CCDC59: variants seen among roughly 807,000 people sequenced by gnomAD.
The protein encoded by CCDC59 is coiled-coil domain containing 59.
Under a neutral mutation model 30.5 loss-of-function variants are expected in CCDC59, and 27 were observed. That is an observed-to-expected ratio of 0.89 (90% CI 0.65 to 1.22). The LOEUF (loss-of-function observed/expected upper bound fraction) is 1.22, where lower values mean the gene tolerates loss of function less well. Among genes scored for constraint, CCDC59 ranks in the 50% most tolerant of loss-of-function variants. The pLI, the probability that CCDC59 is intolerant of heterozygous loss-of-function variation, is 0.00. For synonymous variants in CCDC59, 125 were observed against 100.9 expected (o/e 1.24, Z -1.43); for missense variants, 362 against 284.4 (o/e 1.27, Z -1.96).
chr12:82,354,584 T>C lies in CCDC59; in HGVS notation c.475A>G (p.Ile159Val), dbSNP rs776211244. Residue 159 changes from isoleucine (I) to valine (V), a missense_variant, in exon 3 of 4, where the codon ATT (isoleucine) becomes GTT (valine). Physicochemically the swap from Ile to Val is conservative, Grantham distance 29. Transcript: ENST00000256151. ...GTTTTCTTTTTATTTTTCTTTGGAA[T>C]TGTAAAGGAGCTTTTAATTGGGGGA... ...QCIKTVNSFTIPKKNKKKTSN... is the reference protein window; with the variant it reads ...QCIKTVNSFTVPKKNKKKTSN... The C allele has an allele frequency of 5.7e-6, 9 of 1,578,694 alleles. No individual in the cohort carries two copies. In the African/African-American group the frequency reaches 8.1e-5, roughly 14 times the overall value.
chr12:82,358,569 G>C (rs746581822), upstream of CCDC59: 1 of 1,610,066 alleles, frequency 6.2e-7, no homozygotes, highest in South Asian at 1.1e-5. Context: ...GAGCGTCATG[G>C]CGGCTTCTTG....
intron 1 of CCDC59, among the ~76,000 whole-genome samples, chr12:82,357,896 T>A (rs1456618307): frequency 6.6e-6 from 1 of 152,206 alleles, no homozygotes; most frequent in Non-Finnish European, 1.5e-5. Flanking sequence ...GGCCCTGTCC[T>A]CCTCTCTATC....
intron 3 of CCDC59, among the ~76,000 whole-genome samples, chr12:82,353,671 C>T (rs1796554491): frequency 6.6e-6 from 1 of 152,110 alleles, no homozygotes; most frequent in Non-Finnish European, 1.5e-5. Context: ...TAATACTGGT[C>T]CAGTATTCCC....
At position 82,357,121 on chromosome 12, in the gene CCDC59, C is replaced by T; in HGVS notation, c.303G>A (p.Glu101=). The change falls in exon 2 of 4, where the codon GAG becomes GAA. Residue 101 remains glutamate, a synonymous_variant. Coordinates refer to ENST00000256151, the MANE Select transcript of CCDC59 (RefSeq NM_014167.5). The stretch of plus-strand genomic sequence containing the variant: ...TTCTTGCTTGCTTCCTATGTCTTTC[C>T]TCTTCAGCTAAATAGAGATGTTTCA... The part of the protein sequence containing the change: ...DNLKHLYLAE[E]ERHRKQARKV... 1.2e-6 allele frequency: 2 copies of T among 1,614,170 alleles called. No homozygotes were observed. The highest frequency in any genetic ancestry group is 1.7e-6 in the Non-Finnish European group (2 of 1,180,026).
intron 2 of CCDC59, 112 bp from the exon 3 acceptor site, chr12:82,354,706 G>A: frequency 1.3e-6 from 1 of 794,906 alleles, no homozygotes; most frequent in Non-Finnish European, 1.7e-6. Context: ...GCACAAATGG[G>A]GATTCTTAGA....
chr12:82,358,124 C>G, intron 1 of CCDC59, 99 bp downstream of exon 1: 2 of 1,381,508 alleles, frequency 1.4e-6, no homozygotes, highest in South Asian at 1.3e-5. Context: ...CAAGTAGGAC[C>G]GGGTCTGGTT....
chr12:82,357,292 A>C (rs1881103728), intron 1 of CCDC59, 23 bp from the exon 2 acceptor site: 1 of 1,315,978 alleles, frequency 7.6e-7, no homozygotes, highest in Non-Finnish European at 1.0e-6. Flanking sequence ...ATATCATCCA[A>C]AATTACTTTC....
At chr12:82,357,320 C>G in intron 1 of CCDC59, 51 bp from the exon 2 acceptor site, 3 of 1,455,740 alleles carry the variant, frequency 2.1e-6, no homozygotes, top group East Asian at 2.3e-5. Flanking sequence ...AGAAGTTGAA[C>G]GAAGAATGGA....
chr12:82,353,084 C>A lies in CCDC59; in HGVS notation c.*67G>T. 7.7e-7 allele frequency: 1 copy of A among 1,293,662 alleles called. No homozygotes were observed. Among genetic ancestry groups the A allele is most frequent in the Admixed American group, 2.3e-5 (1 of 43,108 alleles). 80.1% of individuals were successfully genotyped at this position (1,293,662 alleles called of 1,614,324 possible). A position where few individuals can be genotyped will look rare whatever the true frequency, so the allele number is the denominator to read the frequency against. On this transcript the variant is annotated 3_prime_UTR_variant, in exon 4 of 4. Transcript: ENST00000256151. ...TTATGTCGACAAATTTAGTTCACTG[C>A]TGGGAGGCACATGTCACAGAAGAAC...
chr12:82,355,483 T>A (rs904689904), intron 2 of CCDC59: 3 of 152,216 alleles, frequency 2.0e-5, no homozygotes, highest in South Asian at 2.1e-4. Context: ...TCTATGGTTT[T>A]AAAAAAAATC....
Position 82,356,998 on chromosome 12 carries a change from G to C in CCDC59, c.426C>G (p.Asp142Glu). 6.2e-7 allele frequency: 1 copy of C among 1,613,706 alleles called. No homozygotes were observed. Among genetic ancestry groups the C allele is most frequent in the South Asian group, 1.1e-5 (1 of 91,070 alleles). The change falls in exon 2 of 4, where the codon GAC becomes GAG. Residue 142 changes from aspartate to glutamate, a missense_variant. Asp to Glu is a conservative substitution (Grantham distance 45). Transcript: ENST00000256151. The part of the protein sequence containing the change: ...EPLFEDQCSF[D>E]QPQPEEQCIK... ...TACATTGTTCTTCTGGCTGAGGCTG[G>C]TCAAAGCTACACTGATCTTCAAATA...
chr12:82,358,760 A>G (rs201368766), upstream of CCDC59: 766 of 1,613,846 alleles, frequency 4.7e-4, 10 homozygotes, highest in Middle Eastern at 1.5e-3. Context: ...TGAGGAAGTC[A>G]GCGTCGGAGA....
rs374302558 is a variant in CCDC59, at chr12:82,358,287, C to G, written c.90G>C (p.Lys30Asn). 1.5e-5 allele frequency: 24 copies of G among 1,614,092 alleles called. No individual in the cohort carries two copies. In the African/African-American group the frequency reaches 2.9e-4, roughly 20 times the overall value. ...EGVSTVGYRNKNVRQKTWRPN... is the reference protein window; with the variant it reads ...EGVSTVGYRNNNVRQKTWRPN... ...GCCGCCATGTCTTCTGTCTCACATT[C>G]TTATTCCTGTACCCGACAGTGGAAA... The change falls in exon 1 of 4, where the codon AAG (lysine) becomes AAC (asparagine). Residue 30 changes from lysine to asparagine, a missense_variant. By Grantham distance (94) the Lys-to-Asn change is moderately conservative. Coordinates refer to ENST00000256151, the MANE Select transcript of CCDC59 (RefSeq NM_014167.5).
Position 82,358,293 on chromosome 12 carries a change from C to T in CCDC59, c.84G>A (p.Arg28=), listed in dbSNP as rs751217910. The change falls in exon 1 of 4, where the codon AGG becomes AGA. Residue 28 remains arginine, a synonymous_variant. Coordinates refer to ENST00000256151, the MANE Select transcript of CCDC59 (RefSeq NM_014167.5). The stretch of plus-strand genomic sequence containing the variant: ...ATGTCTTCTGTCTCACATTCTTATT[C>T]CTGTACCCGACAGTGGAAACCCCTT... ...RGEGVSTVGY[R]NKNVRQKTWR... is the part of the protein sequence containing the mutation. 1.1e-5 allele frequency: 17 copies of T among 1,614,094 alleles called. No homozygotes were observed. The highest frequency in any genetic ancestry group is 5.0e-5 in the Admixed American group (3 of 60,010).
chr12:82,354,595 C>A lies in CCDC59; in HGVS notation c.465-1G>T. 6.4e-7 allele frequency: 1 copy of A among 1,568,442 alleles called. No individual in the cohort carries two copies. The highest frequency in any genetic ancestry group is 1.2e-5 in the South Asian group (1 of 85,252). ...ATTTTTCTTTGGAATTGTAAAGGAG[C>A]TTTTAATTGGGGGATGAGGAAACAG... On this transcript the variant is annotated splice_acceptor_variant, in intron 2 of 3. Coordinates refer to ENST00000256151, the MANE Select transcript of CCDC59 (RefSeq NM_014167.5). LOFTEE classifies it high-confidence loss of function.
At chr12:82,356,076 C>G (rs1444878589) in intron 2 of CCDC59, 2 of 152,078 alleles carry the variant, frequency 1.3e-5, no homozygotes, top group African/African-American at 4.8e-5. Context: ...TACATTTTTA[C>G]CCCCCGTGGT....
At chr12:82,354,984 T>G (rs954891445) in intron 2 of CCDC59, 1 of 157,138 alleles carries the variant, frequency 6.4e-6, no homozygotes, top group African/African-American at 2.4e-5. Flanking sequence ...CATTTTGAAC[T>G]GTTCTATCTT....
intron 2 of CCDC59, chr12:82,355,760 A>T (rs1441497390): frequency 6.6e-6 from 1 of 151,848 alleles, no homozygotes; most frequent in Non-Finnish European, 1.5e-5. Context: ...CTAATCCCTC[A>T]CAACTTTTCT....
At chr12:82,356,599 T>G (rs1356278070) in intron 2 of CCDC59, among the ~76,000 whole-genome samples, 1 of 152,224 alleles carries the variant, frequency 6.6e-6, no homozygotes, top group East Asian at 1.9e-4. Context: ...ACTAACATGT[T>G]GAGTCTGGCT....
Sources: allele counts gnomAD v4.1 joint callset (sites outside exome capture counted in the v4.1 genomes callset), GRCh38; gene constraint gnomAD v4.1.1; transcripts MANE v1.5; gene names NCBI Gene and HGNC (gene_info 2026-07-23, HGNC 2026-07-21).